The following EPM2A variants were observed in gnomAD, a reference collection of about 807,000 sequenced individuals.
The protein encoded by EPM2A is EPM2A glucan phosphatase, laforin, also known as laforin.
A neutral mutation model predicts 26.5 loss-of-function variants in EPM2A; 21 were observed. The ratio of observed to expected loss-of-function variants is 0.79; its 90% CI spans 0.56 to 1.14. EPM2A has a LOEUF of 1.14. EPM2A is among the 50% of genes most tolerant of loss of function. The pLI is 0.00. For synonymous variants in EPM2A, 217 were observed against 177.6 expected (o/e 1.22, Z -1.76); for missense variants, 458 against 440.8 (o/e 1.04, Z -0.35).
At chr6:145,721,892 C>T (rs567225771) in intron 1 of EPM2A, 5 of 152,282 alleles carry the variant, frequency 3.3e-5, no homozygotes, top group African/African-American at 1.2e-4. Context: ...ATTGTAGCTG[C>T]TTTACTACCT....
intron 2 of EPM2A, among the ~76,000 whole-genome samples, chr6:145,535,098 A>G (rs1780413177): frequency 2.0e-5 from 3 of 152,210 alleles, no homozygotes; most frequent in African/African-American, 7.2e-5. Context: ...ACAACAGAAA[A>G]AGAATAGATG....
chr6:145,522,142 C>T (rs2114774761), intron 2 of EPM2A, among the ~76,000 whole-genome samples: 1 of 152,138 alleles, frequency 6.6e-6, no homozygotes, highest in Non-Finnish European at 1.5e-5. Flanking sequence ...TTAGAAGAGA[C>T]GGGGTTTCAC....
chr6:145,423,838 T>A (rs1417995304), intron 4 of EPM2A, among the ~76,000 whole-genome samples: 1 of 152,170 alleles, frequency 6.6e-6, no homozygotes, highest in East Asian at 1.9e-4. Context: ...GGCAACTGAA[T>A]AAACAGCTAG....
intron 4 of EPM2A, among the ~76,000 whole-genome samples, chr6:145,488,073 GA>G (rs1199137760): frequency 1.6e-5 from 2 of 122,320 alleles, no homozygotes; most frequent in Non-Finnish European, 3.7e-5. Flanking sequence ...ATTGAATAGG[GA>G]ATTCTTTCCC....
chr6:145,405,188 GAATTTGCACGTTT>G (rs1011809485), intron 4 of EPM2A, among the ~76,000 whole-genome samples: 159 of 152,240 alleles, frequency 1.0e-3, no homozygotes, highest in African/African-American at 3.7e-3. Context: ...TGTTGGACTT[GAATTTGCACGTTT>G]AATCAATCAA....
At chr6:145,668,198 A>C (rs1004531510) in intron 2 of EPM2A, among the ~76,000 whole-genome samples, 1 of 152,138 alleles carries the variant, frequency 6.6e-6, no homozygotes, top group African/African-American at 2.4e-5. Context: ...TGCCTCAGTA[A>C]AGCTAAACAG....
At chr6:145,524,944 T>C (rs1488520470) in intron 2 of EPM2A, among the ~76,000 whole-genome samples, 1 of 152,198 alleles carries the variant, frequency 6.6e-6, no homozygotes, top group Non-Finnish European at 1.5e-5. Flanking sequence ...TTAATTTTTG[T>C]ATATGGTGAA....
chr6:145,639,679 C>T (rs970347480), intron 2 of EPM2A: 5 of 151,888 alleles, frequency 3.3e-5, no homozygotes, highest in African/African-American at 1.2e-4. Flanking sequence ...TATCTTTGTC[C>T]AAAAAATAGT....
intron 4 of EPM2A, among the ~76,000 whole-genome samples, chr6:145,440,330 A>G (rs922167830): frequency 2.6e-5 from 4 of 152,170 alleles, no homozygotes; most frequent in Non-Finnish European, 5.9e-5. Flanking sequence ...CCATGATTCA[A>G]TTATCTTCCA....
At chr6:145,397,018 A>C (rs1433166515) in intron 4 of EPM2A, among the ~76,000 whole-genome samples, 1 of 152,210 alleles carries the variant, frequency 6.6e-6, no homozygotes, top group African/African-American at 2.4e-5. Context: ...TGATGAAATC[A>C]TTAAAAACCA....
At chr6:145,652,178 T>C (rs926062529) in intron 2 of EPM2A, among the ~76,000 whole-genome samples, 7 of 152,210 alleles carry the variant, frequency 4.6e-5, no homozygotes, top group African/African-American at 1.7e-4. Flanking sequence ...ATACAAGCAT[T>C]TGGTTTCACT....
At chr6:145,506,806 AC>A (rs1172575639) in intron 2 of EPM2A, among the ~76,000 whole-genome samples, 1 of 152,226 alleles carries the variant, frequency 6.6e-6, no homozygotes, top group Non-Finnish European at 1.5e-5. Flanking sequence ...AGGAGGCCAC[AC>A]TGACCAGCCT....
intron 4 of EPM2A, among the ~76,000 whole-genome samples, chr6:145,399,914 G>C (rs192607783): frequency 4.7e-4 from 72 of 152,218 alleles, no homozygotes; most frequent in African/African-American, 1.5e-3. Flanking sequence ...TATTATCCTT[G>C]CTATTTTGTT....
At chr6:145,644,192 A>G (rs2128571456) in intron 2 of EPM2A, among the ~76,000 whole-genome samples, 1 of 152,342 alleles carries the variant, frequency 6.6e-6, no homozygotes, top group Middle Eastern at 3.4e-3. Flanking sequence ...ACAGAAAGAC[A>G]AGCATTGTAT....
chr6:145,383,965 G>A (rs193296753), exon 5 of EPM2A: 5 of 152,032 alleles, frequency 3.3e-5, no homozygotes, highest in Admixed American at 6.6e-5. Flanking sequence ...TAATGACAAG[G>A]TTACATTTTA....
rs538743079 is a variant in EPM2A at position 145,492,408 on chromosome 6, T to A, written c.555+10114A>T. ...AGGCCCCTGAGGGCATGTGTTATAG[T>A]GCTCTTTTAGCTTTGCCATCCACAG... On this transcript the variant is annotated intron_variant, in intron 4 of 4. Transcript: ENST00000638717. Among the ~76,000 whole-genome samples, 82 of 152,018 alleles carry A rather than the reference T, an allele frequency of 5.4e-4. 1 individual carries two copies. In the South Asian group the frequency reaches 0.017, roughly 32 times the overall value.
chr6:145,452,444 G>A (rs956409106), intron 4 of EPM2A, among the ~76,000 whole-genome samples: 1 of 134,394 alleles, frequency 7.4e-6, no homozygotes, highest in African/African-American at 2.8e-5. Context: ...AGGAGATGGA[G>A]ACCATCCTGG....
At chr6:145,612,902 C>T (rs1321272401) in intron 2 of EPM2A, among the ~76,000 whole-genome samples, 2 of 151,948 alleles carry the variant, frequency 1.3e-5, no homozygotes, top group Non-Finnish European at 2.9e-5. Context: ...GTGGCAGCTG[C>T]TGACTGATCA....
At chr6:145,469,896 A>T (rs1021395311) in intron 4 of EPM2A, among the ~76,000 whole-genome samples, 3 of 152,154 alleles carry the variant, frequency 2.0e-5, no homozygotes, top group Non-Finnish European at 2.9e-5. Flanking sequence ...TGAGATCATT[A>T]TGTTAAGTGA....
Sources: gnomAD v4.1 joint callset for allele counts (sites outside exome capture counted in the v4.1 genomes callset) on GRCh38, gnomAD v4.1.1 for gene constraint, MANE v1.5 for transcripts, NCBI Gene and HGNC (gene_info 2026-07-23, HGNC 2026-07-21) for gene names.